The following CD86 variants were observed in gnomAD, a reference collection of about 807,000 sequenced individuals.
CD86 encodes the protein CD86 molecule.
Under a neutral mutation model 32.1 loss-of-function variants are expected in CD86, and 11 were observed. The ratio of observed to expected loss-of-function variants is 0.34; its 90% CI spans 0.22 to 0.57. The LOEUF (loss-of-function observed/expected upper bound fraction) is 0.57. CD86 is among the 20% of genes least tolerant of loss of function. The probability of loss-of-function intolerance (pLI) is 0.86; values close to 1 mark genes in which losing one functional copy is unlikely to be tolerated. For missense variants in CD86, 359 were observed against 398.4 expected, an observed-to-expected ratio of 0.90 and a Z score of 0.84; for synonymous variants, 137 against 135.3, an observed-to-expected ratio of 1.01 and a Z score of -0.09.
chr3:122,075,972 A>G (rs1356189256), intron 1 of CD86, among the ~76,000 whole-genome samples: 2 of 152,180 alleles, frequency 1.3e-5, no homozygotes, highest in African/African-American at 4.8e-5. Context: ...TACTTCTGTG[A>G]GGAAGCCAAA....
In CD86 at chr3:122,110,535, T is replaced by TA. The variant is rs573993771; in HGVS notation, c.847+1131dup. Among the ~76,000 whole-genome samples the TA allele has an allele frequency of 1.4e-4, 22 of 152,344 alleles. 2 individuals carry two copies. Among genetic ancestry groups the TA allele is most frequent in the African/African-American group, 5.3e-4 (22 of 41,594 alleles). On this transcript the variant is annotated intron_variant, in intron 5 of 6. Transcript: ENST00000330540. Reference sequence around the variant, plus strand: ...ATCTTGTTTTTCAGTATACTGATTTTAAAATCTAACTAGAAAATAGATGGA... The same window carrying TA: ...ATCTTGTTTTTCAGTATACTGATTTTAAAAATCTAACTAGAAAATAGATGGA...
chr3:122,058,867 G>A (rs368491351), intron 1 of CD86, among the ~76,000 whole-genome samples: 2 of 152,220 alleles, frequency 1.3e-5, no homozygotes, highest in East Asian at 3.9e-4. Flanking sequence ...ATGAAACCAG[G>A]GCAGTTATGG....
At chr3:122,113,573 G>A (rs535640383) in intron 5 of CD86, among the ~76,000 whole-genome samples, 1 of 152,164 alleles carries the variant, frequency 6.6e-6, no homozygotes, top group South Asian at 2.1e-4. Flanking sequence ...GGTATCTCAT[G>A]GTGGTTTTAA....
intron 2 of CD86, among the ~76,000 whole-genome samples, chr3:122,094,405 GA>G (rs2072874954): frequency 6.6e-6 from 1 of 152,218 alleles, no homozygotes; most frequent in Admixed American, 6.5e-5. Context: ...TTATGGTGGT[GA>G]GAGAATAAGT....
At chr3:122,119,322 G>C in intron 6 of CD86, 116 bp from the exon 7 acceptor site, 1 of 693,380 alleles carries the variant, frequency 1.4e-6, no homozygotes, top group Non-Finnish European at 2.6e-6. Flanking sequence ...TCAATAGTTT[G>C]TTTCTCCTCA....
At chr3:122,118,794 AG>A (rs2073296743) in intron 6 of CD86, among the ~76,000 whole-genome samples, 1 of 152,262 alleles carries the variant, frequency 6.6e-6, no homozygotes, top group African/African-American at 2.4e-5. Context: ...CCTGGCATAT[AG>A]CAGGTTCTCA....
At chr3:122,062,106 A>C (rs898351447) in intron 1 of CD86, among the ~76,000 whole-genome samples, 6 of 151,972 alleles carry the variant, frequency 3.9e-5, no homozygotes, top group South Asian at 4.1e-4. Flanking sequence ...AAAAACAAAA[A>C]CTAAAAATGT....
chr3:122,067,631 T>C (rs191301883), intron 1 of CD86, among the ~76,000 whole-genome samples: 14 of 152,332 alleles, frequency 9.2e-5, no homozygotes, highest in Non-Finnish European at 1.6e-4. Context: ...AAAGATCAAA[T>C]TGGTTTACAA....
At chr3:122,083,091 T>C (rs1329556496) in intron 1 of CD86, among the ~76,000 whole-genome samples, 2 of 152,224 alleles carry the variant, frequency 1.3e-5, no homozygotes, top group East Asian at 3.8e-4. Flanking sequence ...CTTCACCTGC[T>C]ACTATCCCAG....
At chr3:122,065,684 A>G (rs13095010) in intron 1 of CD86, among the ~76,000 whole-genome samples, 7,461 of 152,276 alleles carry the variant, frequency 0.049, 233 homozygotes, top group East Asian at 0.11. Flanking sequence ...AGGCCCTAAC[A>G]AGGAAGAAGG....
chr3:122,074,649 G>A (rs540716525), intron 1 of CD86, among the ~76,000 whole-genome samples: 1 of 152,232 alleles, frequency 6.6e-6, no homozygotes, highest in East Asian at 1.9e-4. Context: ...ACGGGTTTCT[G>A]GCTCTGGCAC....
In CD86 at chr3:122,109,560, A is replaced by AT. The variant is rs1361107033; in HGVS notation, c.847+153dup. 9 of 809,830 alleles carry AT rather than the reference A, an allele frequency of 1.1e-5. No individual in the cohort carries two copies. In the South Asian group the frequency reaches 1.4e-4, roughly 13 times the overall value. 50.2% of individuals were successfully genotyped at this position (809,830 alleles called of 1,614,324 possible). On this transcript the variant is annotated intron_variant, in intron 5 of 6. Transcript: ENST00000330540. ...GGTTTTCCCTTGGAGTTTTGAGCCT[A>AT]TACAGACTGGCAGTAGCAGATAATG...
rs114193620 is a variant in CD86 at position 122,091,119 on chromosome 3, A to G, written c.15-482A>G. Among the ~76,000 whole-genome samples the G allele has an allele frequency of 5.7e-3, 867 of 152,312 alleles. 11 individuals are homozygous for G. Among genetic ancestry groups the G allele is most frequent in the South Asian group, 0.037 (180 of 4,812 alleles). On this transcript the variant is annotated intron_variant, in intron 1 of 6. Coordinates refer to ENST00000330540, the MANE Select transcript of CD86 (RefSeq NM_175862.5). ...ATAATACTAGCTACTGCAATAATCA[A>G]TCCCTCAAATTTTATTTTTTGCCAA...
At position 122,101,406 on chromosome 3, in the gene CD86, G is replaced by T. The variant is rs185824629; in HGVS notation, c.65-2106G>T. Reference sequence around the variant, plus strand: ...GGAAGAGAAAGCCGTTGTAATCTTTGGGAGAAGGGGCCTGGGTCAGCGGAG... The same window carrying T: ...GGAAGAGAAAGCCGTTGTAATCTTTTGGAGAAGGGGCCTGGGTCAGCGGAG... On this transcript the variant is annotated intron_variant, in intron 2 of 6. Coordinates refer to ENST00000330540, the MANE Select transcript of CD86 (RefSeq NM_175862.5). 5.9e-3 allele frequency among the ~76,000 whole-genome samples: 885 copies of T among 150,816 alleles called. 7 individuals carry two copies. The highest frequency in any genetic ancestry group is 0.021 in the African/African-American group (844 of 40,920).
chr3:122,113,256 T>C (rs2073201879), intron 5 of CD86, among the ~76,000 whole-genome samples: 2 of 152,274 alleles, frequency 1.3e-5, no homozygotes, highest in African/African-American at 2.4e-5. Flanking sequence ...CATGGGTTGA[T>C]GGACATTTAG....
At chr3:122,093,109 C>T (rs1368330955) in intron 2 of CD86, among the ~76,000 whole-genome samples, 1 of 152,074 alleles carries the variant, frequency 6.6e-6, no homozygotes. Context: ...CTCTAGAGAA[C>T]ATTATCCAGT....
chr3:122,060,092 G>C (rs2072310479), intron 1 of CD86, among the ~76,000 whole-genome samples: 1 of 152,198 alleles, frequency 6.6e-6, no homozygotes, highest in African/African-American at 2.4e-5. Context: ...CACTTGGTGA[G>C]AGTGCATACA....
At chr3:122,096,876 G>T (rs76600394) in intron 2 of CD86, among the ~76,000 whole-genome samples, 14,740 of 152,232 alleles carry the variant, frequency 0.097, 924 homozygotes, top group South Asian at 0.21. Flanking sequence ...CTTATTTCCA[G>T]TGTATTGTTC....
rs2073313218 is a variant in CD86 at position 122,119,653 on chromosome 3, G to C, written c.*119G>C. 4.6e-6 allele frequency: 3 copies of C among 647,322 alleles called. No homozygotes were observed. The highest frequency in any genetic ancestry group is 2.8e-5 in the Admixed American group (1 of 36,058). The allele number at this position is 647,322 out of a possible 1,614,324, so 40.1% of individuals were successfully genotyped here. ...AGACATTACCATGAGTAATAAGGGGGCTCCAGGACTCCCTCTAAGTGGAAT... is the reference window on the plus strand; with the variant it reads ...AGACATTACCATGAGTAATAAGGGGCCTCCAGGACTCCCTCTAAGTGGAAT... On this transcript the variant is annotated 3_prime_UTR_variant, in exon 7 of 7. Coordinates refer to ENST00000330540, the MANE Select transcript of CD86 (RefSeq NM_175862.5).
Sources: allele counts gnomAD v4.1 joint callset (sites outside exome capture counted in the v4.1 genomes callset), GRCh38; gene constraint gnomAD v4.1.1; transcripts MANE v1.5; gene names NCBI Gene and HGNC (gene_info 2026-07-23, HGNC 2026-07-21).